PTAFR: variants seen among roughly 807,000 people sequenced by gnomAD.
PTAFR encodes the protein platelet activating factor receptor, also known as platelet-activating factor receptor.
In PTAFR, 8 loss-of-function variants were observed where a neutral mutation model predicts 14.7. The ratio of observed to expected loss-of-function variants is 0.54; its 90% confidence interval spans 0.32 to 0.98. The LOEUF is 0.98. PTAFR is among the 50% of genes least tolerant of loss of function. The probability of loss-of-function intolerance (pLI) is 0.04; values close to 1 mark genes in which losing one functional copy is unlikely to be tolerated. For synonymous variants in PTAFR, 156 were observed against 176.5 expected (o/e 0.88, Z 0.92); for missense variants, 337 against 451.2 (o/e 0.75, Z 2.29).
intron 1 of PTAFR, among the ~76,000 whole-genome samples, chr1:28,173,298 AG>A (rs71586830): frequency 0.23 from 7,213 of 31,540 alleles, 301 homozygotes; most frequent in Non-Finnish European, 0.28. Context: ...TTAAAAAAAA[AG>A]GGGGGGGGGT....
At position 28,184,082 on chromosome 1, in the gene PTAFR, G is replaced by GTT. The variant is rs1165813776; in HGVS notation, c.-39+9638_-39+9639dup. On this transcript the variant is annotated intron_variant, in intron 1 of 1. Transcript: ENST00000305392. ...TCCATACTCACGTCCCCATTAGTCT[G>GTT]TTTTTTTTTTTTTTTTTTTTTTTTT... Among the ~76,000 whole-genome samples, 87 of 82,416 alleles carry GTT rather than the reference G, an allele frequency of 1.1e-3. 12 individuals carry two copies. The highest frequency in any genetic ancestry group is 1.6e-3 in the Non-Finnish European group (67 of 43,032). The allele number at this position is 82,416 out of a possible 152,430, so 54.1% of individuals were successfully genotyped here.
chr1:28,171,552 C>T (rs17162976), intron 1 of PTAFR, among the ~76,000 whole-genome samples: 4 of 152,046 alleles, frequency 2.6e-5, no homozygotes, highest in Non-Finnish European at 4.4e-5. Flanking sequence ...AGGATTTGAG[C>T]GACGAATTAA....
At chr1:28,162,243 T>C (rs772069498) in intron 1 of PTAFR, among the ~76,000 whole-genome samples, 3 of 152,070 alleles carry the variant, frequency 2.0e-5, no homozygotes, top group Non-Finnish European at 2.9e-5. Context: ...AGGTCAGAGA[T>C]GGTGGTGGCA....
chr1:28,168,213 C>T (rs967199599), intron 1 of PTAFR, among the ~76,000 whole-genome samples: 2 of 151,202 alleles, frequency 1.3e-5, no homozygotes, highest in South Asian at 4.2e-4. Context: ...CCTCGTGATC[C>T]GCCCTCCTCG....
At chr1:28,174,086 C>A (rs555951725) in intron 1 of PTAFR, among the ~76,000 whole-genome samples, 1 of 152,156 alleles carries the variant, frequency 6.6e-6, no homozygotes, top group Admixed American at 6.5e-5. Context: ...CATGCACACA[C>A]AAAGACACAC....
At chr1:28,153,694 C>G (rs1162531967) in intron 1 of PTAFR, among the ~76,000 whole-genome samples, 1 of 151,840 alleles carries the variant, frequency 6.6e-6, no homozygotes, top group Non-Finnish European at 1.5e-5. Context: ...TCGAGACCCA[C>G]CTGGCCAATA....
upstream of PTAFR, among the ~76,000 whole-genome samples, chr1:28,179,480 C>T (rs1419001872): frequency 6.6e-6 from 1 of 152,196 alleles, no homozygotes; most frequent in African/African-American, 2.4e-5. Flanking sequence ...TCACACCCCA[C>T]ATCCATTCTG....
chr1:28,176,239 T>TA (rs772292556), intron 1 of PTAFR, among the ~76,000 whole-genome samples: 3 of 151,962 alleles, frequency 2.0e-5, no homozygotes, highest in Non-Finnish European at 2.9e-5. Context: ...GCCCAGGAGT[T>TA]AGAGACCAGT....
chr1:28,152,271 T>C (rs1646202385), intron 1 of PTAFR, among the ~76,000 whole-genome samples: 1 of 152,102 alleles, frequency 6.6e-6, no homozygotes, highest in South Asian at 2.1e-4. Flanking sequence ...ATACAATCAA[T>C]GGCAGTTCTG....
chr1:28,163,810 A>G (rs1181484472), intron 1 of PTAFR, among the ~76,000 whole-genome samples: 2 of 152,228 alleles, frequency 1.3e-5, no homozygotes, highest in African/African-American at 4.8e-5. Flanking sequence ...CCAGCTCCAG[A>G]TAGAGCCTCC....
At chr1:28,183,132 A>G (rs2149006915) in intron 1 of PTAFR, among the ~76,000 whole-genome samples, 1 of 152,316 alleles carries the variant, frequency 6.6e-6, no homozygotes, top group Admixed American at 6.5e-5. Context: ...TATGTAGTGG[A>G]TAATTGTGTC....
chr1:28,193,075 T>C (rs1004238486), intron 1 of PTAFR, among the ~76,000 whole-genome samples: 1 of 151,902 alleles, frequency 6.6e-6, no homozygotes, highest in African/African-American at 2.4e-5. Context: ...GGGTAAGAAG[T>C]GGGGATGGGA....
chr1:28,184,268 T>C (rs1363335067), intron 1 of PTAFR, among the ~76,000 whole-genome samples: 2 of 151,908 alleles, frequency 1.3e-5, no homozygotes, highest in African/African-American at 4.8e-5. Context: ...GATTTTTGTA[T>C]TTTTAGTAGA....
At chr1:28,177,204 C>G (rs1053162492), upstream of PTAFR, 7 of 152,454 alleles carry the variant, frequency 4.6e-5, no homozygotes, top group Admixed American at 1.3e-4. Context: ...ACATTTGGGT[C>G]TGTGCGTCTC....
chr1:28,171,866 A>C (rs980489427), intron 1 of PTAFR, among the ~76,000 whole-genome samples: 8 of 152,046 alleles, frequency 5.3e-5, no homozygotes, highest in Non-Finnish European at 7.4e-5. Context: ...TGGCTCCCAG[A>C]TACCCAGGTG....
At chr1:28,156,247 C>T (rs149882216) in intron 1 of PTAFR, among the ~76,000 whole-genome samples, 11 of 147,354 alleles carry the variant, frequency 7.5e-5, no homozygotes, top group African/African-American at 2.5e-4. Context: ...GCCTGGGCAA[C>T]AAGAACAAAA....
intron 1 of PTAFR, among the ~76,000 whole-genome samples, chr1:28,173,811 C>T (rs1646480449): frequency 6.6e-6 from 1 of 152,054 alleles, no homozygotes; most frequent in Non-Finnish European, 1.5e-5. Context: ...TGGTGATCCT[C>T]CCCCTGCATA....
At chr1:28,159,867 T>C (rs1395492604) in intron 1 of PTAFR, among the ~76,000 whole-genome samples, 1 of 151,288 alleles carries the variant, frequency 6.6e-6, no homozygotes. Flanking sequence ...CAAAATGCTG[T>C]GTGTGGACCT....
intron 1 of PTAFR, among the ~76,000 whole-genome samples, chr1:28,183,192 G>A (rs1646576559): frequency 6.6e-6 from 1 of 152,110 alleles, no homozygotes; most frequent in Non-Finnish European, 1.5e-5. Context: ...GTTAAGTGCT[G>A]TATCTCATTC....
Sources: gnomAD v4.1 joint callset for allele counts (sites outside exome capture counted in the v4.1 genomes callset) on GRCh38, gnomAD v4.1.1 for gene constraint, MANE v1.5 for transcripts, NCBI Gene and HGNC (gene_info 2026-07-23, HGNC 2026-07-21) for gene names.